The following RNF150 variants were observed in gnomAD, a reference collection of about 807,000 sequenced individuals.
RNF150 encodes the protein ring finger protein 150.
A neutral mutation model predicts 39.3 loss-of-function variants in RNF150; 24 were observed. The ratio of observed to expected loss-of-function variants is 0.61; its 90% confidence interval spans 0.44 to 0.86. RNF150 has a LOEUF of 0.86. Among genes scored for constraint, RNF150 ranks in the 40% least tolerant of loss-of-function variants. The pLI, the probability that RNF150 is intolerant of heterozygous loss-of-function variation, is 0.00. For synonymous variants in RNF150, 255 were observed against 227.3 expected, an observed-to-expected ratio of 1.12 and a Z score of -1.10; for missense variants, 502 against 587.8, an observed-to-expected ratio of 0.85 and a Z score of 1.51.
intron 1 of RNF150, among the ~76,000 whole-genome samples, chr4:141,168,340 A>G (rs1250264203): frequency 6.6e-6 from 1 of 152,158 alleles, no homozygotes; most frequent in Non-Finnish European, 1.5e-5. Context: ...CTTTTACACC[A>G]TTGGTGGGAT....
intron 1 of RNF150, among the ~76,000 whole-genome samples, chr4:141,155,804 G>A (rs1727384096): frequency 6.6e-6 from 1 of 152,170 alleles, no homozygotes; most frequent in Admixed American, 6.5e-5. Context: ...CTGGTCAATT[G>A]TTGTGCCGAA....
intron 6 of RNF150, among the ~76,000 whole-genome samples, chr4:140,894,317 T>G (rs941574685): frequency 6.6e-6 from 1 of 152,246 alleles, no homozygotes; most frequent in East Asian, 1.9e-4. Flanking sequence ...CAGATTAACT[T>G]CTGATGAGGT....
intron 1 of RNF150, among the ~76,000 whole-genome samples, chr4:141,193,230 A>G (rs1192630476): frequency 2.0e-5 from 3 of 152,258 alleles, no homozygotes; most frequent in African/African-American, 7.2e-5. Context: ...AGTGCCTAGC[A>G]CATAATAAGC....
intron 2 of RNF150, among the ~76,000 whole-genome samples, chr4:140,950,216 T>C (rs1331879128): frequency 6.6e-6 from 1 of 152,216 alleles, no homozygotes; most frequent in African/African-American, 2.4e-5. Context: ...GCAATAGATG[T>C]GTATCTGTTG....
chr4:141,203,852 C>T (rs879043422), intron 1 of RNF150, among the ~76,000 whole-genome samples: 1 of 151,822 alleles, frequency 6.6e-6, no homozygotes, highest in Admixed American at 6.6e-5. Context: ...GAAATATGCC[C>T]TCCCAAGCAC....
At chr4:141,085,283 A>G (rs1465134241) in intron 1 of RNF150, among the ~76,000 whole-genome samples, 1 of 152,176 alleles carries the variant, frequency 6.6e-6, no homozygotes, top group African/African-American at 2.4e-5. Context: ...ACTGGCCCCG[A>G]TGATCAATTA....
At chr4:140,945,921 C>T (rs1422411012) in intron 4 of RNF150, among the ~76,000 whole-genome samples, 1 of 151,900 alleles carries the variant, frequency 6.6e-6, no homozygotes, top group East Asian at 1.9e-4. Flanking sequence ...TTTATAAAAC[C>T]TTTAATAAAA....
chr4:140,875,811 T>A (rs1729134979), intron 6 of RNF150, among the ~76,000 whole-genome samples: 1 of 152,182 alleles, frequency 6.6e-6, no homozygotes, highest in African/African-American at 2.4e-5. Context: ...GTCACTGCTT[T>A]CCTACTTAAT....
intron 1 of RNF150, among the ~76,000 whole-genome samples, chr4:140,996,795 T>A (rs60522138): frequency 6.6e-6 from 1 of 152,230 alleles, no homozygotes; most frequent in Non-Finnish European, 1.5e-5. Flanking sequence ...CCTAATGCCA[T>A]GTGGCAAATG....
At chr4:141,155,768 G>A (rs760605066) in intron 1 of RNF150, among the ~76,000 whole-genome samples, 12 of 152,170 alleles carry the variant, frequency 7.9e-5, no homozygotes, top group Non-Finnish European at 1.3e-4. Context: ...AGTCCATGGT[G>A]CGTGGTCTCT....
At chr4:141,178,489 T>G (rs999496297) in intron 1 of RNF150, among the ~76,000 whole-genome samples, 2 of 151,928 alleles carry the variant, frequency 1.3e-5, no homozygotes, top group Non-Finnish European at 2.9e-5. Flanking sequence ...TTTTTCCATG[T>G]AAGAGGTACG....
At chr4:141,201,868 C>T (rs995242428) in intron 1 of RNF150, among the ~76,000 whole-genome samples, 1 of 152,100 alleles carries the variant, frequency 6.6e-6, no homozygotes, top group Admixed American at 6.6e-5. Flanking sequence ...TATGTTGGAA[C>T]AGAATCCCCA....
chr4:141,175,947 C>T (rs1034652618), intron 1 of RNF150, among the ~76,000 whole-genome samples: 13 of 152,012 alleles, frequency 8.6e-5, no homozygotes, highest in African/African-American at 2.2e-4. Context: ...TGCAGAGGTG[C>T]GATCACAGCT....
Position 140,966,492 on chromosome 4 carries a change from G to T in RNF150, c.735+1131C>A, listed in dbSNP as rs533832695. 2.0e-5 allele frequency among the ~76,000 whole-genome samples: 3 copies of T among 152,108 alleles called. No individual in the cohort carries two copies. The East Asian group carries it at 5.8e-4, about 29-fold the overall frequency. On this transcript the variant is annotated intron_variant, in intron 2 of 6. Transcript: ENST00000515673. ...AGGGTTAATTTCCTTGACTAATAAA[G>T]AGTTTATACACATTAATAAGAAAAT... is the stretch of plus-strand genomic sequence containing the variant.
intron 1 of RNF150, among the ~76,000 whole-genome samples, chr4:141,006,927 T>C (rs535419227): frequency 6.6e-6 from 1 of 152,328 alleles, no homozygotes; most frequent in Admixed American, 6.5e-5. Flanking sequence ...GATAAAATAG[T>C]GTTGGTCTAC....
At chr4:140,902,831 C>T (rs72933195) in intron 6 of RNF150, among the ~76,000 whole-genome samples, 4,203 of 152,252 alleles carry the variant, frequency 0.028, 215 homozygotes, top group African/African-American at 0.096. Flanking sequence ...CTGTTCCAGC[C>T]TCCTCCACCC....
intron 1 of RNF150, among the ~76,000 whole-genome samples, chr4:141,106,182 GTGTTCCTACAGTACTT>G (rs1420152675): frequency 6.6e-6 from 1 of 152,102 alleles, no homozygotes; most frequent in East Asian, 1.9e-4. Context: ...TCACTCCCAG[GTGTTCCTACAGTACTT>G]TGTTCACACA....
chr4:140,992,748 C>A (rs899627018), intron 1 of RNF150, among the ~76,000 whole-genome samples: 1 of 152,154 alleles, frequency 6.6e-6, no homozygotes, highest in Non-Finnish European at 1.5e-5. Flanking sequence ...TTCTCCTCCC[C>A]CTTTCATGCT....
intron 1 of RNF150, among the ~76,000 whole-genome samples, chr4:141,145,697 C>T (rs1182953940): frequency 6.6e-6 from 1 of 152,202 alleles, no homozygotes; most frequent in African/African-American, 2.4e-5. Flanking sequence ...AAGAAAATCT[C>T]ATTTTTGGAT....
Sources: allele counts gnomAD v4.1 joint callset (sites outside exome capture counted in the v4.1 genomes callset), GRCh38; gene constraint gnomAD v4.1.1; transcripts MANE v1.5; gene names NCBI Gene and HGNC (gene_info 2026-07-23, HGNC 2026-07-21).